The following TAS2R1 variants were observed in gnomAD, a reference collection of about 807,000 sequenced individuals.
TAS2R1 encodes the protein taste receptor type 2 member 1.
For synonymous variants in TAS2R1, 141 were observed against 134.2 expected (o/e 1.05, Z -0.35); for missense variants, 370 against 353.4 (o/e 1.05, Z -0.38).
At chr5:9,691,308 G>A (rs1741246238) in intron 1 of TAS2R1, among the ~76,000 whole-genome samples, 2 of 152,244 alleles carry the variant, frequency 1.3e-5, no homozygotes, top group South Asian at 2.1e-4. Context: ...GAAGCCGGAA[G>A]AGGCAAGGAT....
At chr5:9,836,145 T>A in the TAS2R1 span, among the ~76,000 whole-genome samples, 1 of 151,992 alleles carries the variant, frequency 6.6e-6, no homozygotes, top group Non-Finnish European at 1.5e-5. Context: ...TTCTCTTCTC[T>A]TGTCTGCCAC....
At chr5:9,763,560 T>A in the TAS2R1 span, among the ~76,000 whole-genome samples, 3 of 152,190 alleles carry the variant, frequency 2.0e-5, no homozygotes, top group African/African-American at 7.2e-5. Flanking sequence ...CTAGAATTTG[T>A]TCTGTGACTC....
In TAS2R1 at chr5:9,689,336, C is replaced by T. The variant is rs543185006; in HGVS notation, c.-242+22836G>A. 3.3e-4 allele frequency among the ~76,000 whole-genome samples: 50 copies of T among 152,242 alleles called. No individual in the cohort carries two copies. In the Middle Eastern group the frequency reaches 0.01, roughly 31 times the overall value. On this transcript the variant is annotated intron_variant, in intron 1 of 2. Coordinates refer to the TAS2R1 transcript ENST00000506620. ...CCTTCTCGAAGGGTGGTCCCCGGACCAGCAGTGTCAGAATTACCTGGGAAC... is the reference window on the plus strand; with the variant it reads ...CCTTCTCGAAGGGTGGTCCCCGGACTAGCAGTGTCAGAATTACCTGGGAAC...
the TAS2R1 span, among the ~76,000 whole-genome samples, chr5:9,728,746 T>C: frequency 6.6e-6 from 1 of 152,154 alleles, no homozygotes; most frequent in Non-Finnish European, 1.5e-5. Context: ...GTAGAGCTCT[T>C]GCCAGCCCTT....
chr5:9,775,660 C>T, the TAS2R1 span, among the ~76,000 whole-genome samples: 1 of 151,742 alleles, frequency 6.6e-6, no homozygotes, highest in Admixed American at 6.6e-5. Context: ...GGTGATGAAT[C>T]CTGCCAGGAC....
chr5:9,866,516 A>G, the TAS2R1 span, among the ~76,000 whole-genome samples: 1 of 152,218 alleles, frequency 6.6e-6, no homozygotes, highest in Non-Finnish European at 1.5e-5. Flanking sequence ...AGAGAAACTA[A>G]TTTTTCCTCT....
intron 1 of TAS2R1, among the ~76,000 whole-genome samples, chr5:9,692,619 C>T (rs561064717): frequency 6.6e-6 from 1 of 152,330 alleles, no homozygotes. Context: ...ACTTGCTTTG[C>T]AGTAGAACTA....
the TAS2R1 span, among the ~76,000 whole-genome samples, chr5:9,731,830 C>T: frequency 1.3e-5 from 2 of 152,184 alleles, no homozygotes; most frequent in African/African-American, 2.4e-5. Context: ...GTGGGCAGGA[C>T]ATGTCTGCTT....
At chr5:9,838,964 AC>A in the TAS2R1 span, among the ~76,000 whole-genome samples, 2 of 152,218 alleles carry the variant, frequency 1.3e-5, no homozygotes, top group African/African-American at 4.8e-5. Context: ...GACTAACTGG[AC>A]ACTGAAATCT....
the TAS2R1 span, among the ~76,000 whole-genome samples, chr5:9,756,036 CT>C: frequency 6.6e-6 from 1 of 152,202 alleles, no homozygotes; most frequent in South Asian, 2.1e-4. Context: ...TAGATCTCAG[CT>C]TTATTCTACC....
At chr5:9,755,871 C>G in the TAS2R1 span, among the ~76,000 whole-genome samples, 1 of 152,178 alleles carries the variant, frequency 6.6e-6, no homozygotes, top group Non-Finnish European at 1.5e-5. Context: ...TGAGGACAGT[C>G]AGAGGTGACT....
the TAS2R1 span, among the ~76,000 whole-genome samples, chr5:9,866,828 C>G: frequency 6.6e-6 from 1 of 152,314 alleles, no homozygotes; most frequent in Non-Finnish European, 1.5e-5. Flanking sequence ...TGCCAGACAC[C>G]TCTCTTTGTT....
At chr5:9,793,704 G>T in the TAS2R1 span, among the ~76,000 whole-genome samples, 1 of 152,156 alleles carries the variant, frequency 6.6e-6, no homozygotes, top group Non-Finnish European at 1.5e-5. Context: ...TGGGGTGCGG[G>T]GTCTCATTCA....
the TAS2R1 span, among the ~76,000 whole-genome samples, chr5:9,888,305 C>G: frequency 2.6e-5 from 4 of 152,092 alleles, no homozygotes; most frequent in Non-Finnish European, 2.9e-5. Flanking sequence ...TACTCTAGTT[C>G]TACTAGAAAG....
chr5:9,885,428 T>C, the TAS2R1 span, among the ~76,000 whole-genome samples: 13 of 152,334 alleles, frequency 8.5e-5, no homozygotes, highest in South Asian at 1.2e-3. Flanking sequence ...GTAGGCAAAA[T>C]ACAAATTATT....
At chr5:9,703,231 T>C (rs1399478892) in intron 1 of TAS2R1, among the ~76,000 whole-genome samples, 1 of 152,298 alleles carries the variant, frequency 6.6e-6, no homozygotes, top group East Asian at 1.9e-4. Context: ...GATTTCATCA[T>C]GGCCATGGCT....
At chr5:9,830,598 TGCGC>T in the TAS2R1 span, among the ~76,000 whole-genome samples, 8 of 106,272 alleles carry the variant, frequency 7.5e-5, no homozygotes, top group East Asian at 3.1e-4. Flanking sequence ...GATAGACACG[TGCGC>T]GCGCACACAC....
the TAS2R1 span, among the ~76,000 whole-genome samples, chr5:9,740,620 C>T: frequency 6.6e-6 from 1 of 152,154 alleles, no homozygotes; most frequent in Non-Finnish European, 1.5e-5. Context: ...CTTCCAAAAC[C>T]CCAGAGCAAC....
intron 1 of TAS2R1, among the ~76,000 whole-genome samples, chr5:9,694,227 C>T (rs763497745): frequency 7.9e-5 from 12 of 151,520 alleles, no homozygotes; most frequent in South Asian, 2.1e-4. Context: ...AGAAAGCAGA[C>T]GACAAATTGT....
Sources: gnomAD v4.1 joint callset for allele counts (sites outside exome capture counted in the v4.1 genomes callset) on GRCh38, gnomAD v4.1.1 for gene constraint, MANE v1.5 for transcripts, NCBI Gene and HGNC (gene_info 2026-07-23, HGNC 2026-07-21) for gene names.